MCHR2: variants seen among roughly 807,000 people sequenced by gnomAD.
MCHR2 encodes melanin concentrating hormone receptor 2, also known as melanin-concentrating hormone receptor 2.
Under a neutral mutation model 24.8 loss-of-function variants are expected in MCHR2, and 15 were observed. That is an observed-to-expected ratio of 0.60 (90% CI 0.40 to 0.93). The LOEUF (loss-of-function observed/expected upper bound fraction) is 0.93. Ranked by LOEUF, MCHR2 falls within the 40% of genes least tolerant of loss-of-function variation. The pLI, the probability that MCHR2 is intolerant of heterozygous loss-of-function variation, is 0.00. For synonymous variants in MCHR2, 151 were observed against 147.6 expected, an observed-to-expected ratio of 1.02 and a Z score of -0.17; for missense variants, 386 against 408.7, an observed-to-expected ratio of 0.94 and a Z score of 0.48.
intron 1 of MCHR2, among the ~76,000 whole-genome samples, chr6:99,968,213 C>A (rs927731160): frequency 3.9e-5 from 6 of 152,016 alleles, no homozygotes; most frequent in Admixed American, 6.6e-5. Flanking sequence ...AGTTGTGAAC[C>A]AAGACAGGGC....
At chr6:99,953,853 T>C (rs1775011471) in intron 2 of MCHR2, among the ~76,000 whole-genome samples, 1 of 152,158 alleles carries the variant, frequency 6.6e-6, no homozygotes. Context: ...TTGAATTTAT[T>C]AAGAGTAGAA....
At chr6:99,944,406 GT>G (rs1774836906) in intron 3 of MCHR2, among the ~76,000 whole-genome samples, 1 of 152,148 alleles carries the variant, frequency 6.6e-6, no homozygotes, top group Non-Finnish European at 1.5e-5. Flanking sequence ...TGTAAAAATG[GT>G]TTTTATGGTC....
At chr6:99,951,686 G>C (rs1285514980) in intron 2 of MCHR2, among the ~76,000 whole-genome samples, 1 of 152,094 alleles carries the variant, frequency 6.6e-6, no homozygotes, top group Non-Finnish European at 1.5e-5. Context: ...GTGTATGGCT[G>C]ACACTTGGAA....
chr6:99,951,523 GGCAA>G (rs1419519280), intron 2 of MCHR2, among the ~76,000 whole-genome samples: 1 of 152,124 alleles, frequency 6.6e-6, no homozygotes, highest in Non-Finnish European at 1.5e-5. Flanking sequence ...TGTGTCCTTA[GGCAA>G]GCGATTCAAC....
intron 1 of MCHR2, among the ~76,000 whole-genome samples, chr6:99,991,734 G>C (rs1243450737): frequency 6.8e-6 from 1 of 147,628 alleles, no homozygotes; most frequent in Non-Finnish European, 1.5e-5. Flanking sequence ...GAGAACCCGG[G>C]AGGCGGAGCT....
rs555692756 is a variant in MCHR2 at position 99,921,426 on chromosome 6, T to C, written c.708-171A>G. Among the ~76,000 whole-genome samples, 18 of 152,332 alleles carry C rather than the reference T, an allele frequency of 1.2e-4. No individual in the cohort carries two copies. The East Asian group carries it at 3.5e-3, about 29-fold the overall frequency. On this transcript the variant is annotated intron_variant, in intron 5 of 5. Coordinates refer to ENST00000281806, the MANE Select transcript of MCHR2 (RefSeq NM_001040179.2). The stretch of plus-strand genomic sequence containing the variant: ...TGTGATATATTCTTTTTTATTCTTG[T>C]TGAAAACTTTCCAAAGTTTCCAAAG...
Position 99,947,932 on chromosome 6 carries a change from G to T in MCHR2, c.222C>A (p.Asn74Lys). Residue 74 changes from asparagine to lysine, a missense_variant, in exon 3 of 6, where the codon AAC becomes AAA. By Grantham distance (94) the Asn-to-Lys change is moderately conservative (BLOSUM62 0). Transcript: ENST00000281806. ...KKTVPDIYIC[N>K]LAVADLVHIV... ...TGTGGACCAAATCAGCCACAGCCAG[G>T]TTGCAGATATAGATGTCAGGGACTG... 6 of 1,613,716 alleles carry T rather than the reference G, an allele frequency of 3.7e-6. No homozygotes were observed. Among genetic ancestry groups the T allele is most frequent in the Non-Finnish European group, 5.1e-6 (6 of 1,179,760 alleles).
chr6:99,943,162 A>G lies in MCHR2; in HGVS notation c.393-19T>C, dbSNP rs1325405720. The stretch of plus-strand genomic sequence containing the variant: ...AAAGTACCTGCAAAGGCAGTCAGGA[A>G]GAGTTTTGGAACAATCAATAAAAGC... On this transcript the variant is annotated intron_variant, in intron 3 of 5. Coordinates refer to ENST00000281806, the MANE Select transcript of MCHR2 (RefSeq NM_001040179.2). 6.3e-7 allele frequency: 1 copy of G among 1,596,428 alleles called. No individual in the cohort carries two copies. The highest frequency in any genetic ancestry group is 2.2e-5 in the East Asian group (1 of 44,670).
intron 5 of MCHR2, among the ~76,000 whole-genome samples, chr6:99,931,392 C>T (rs2114499644): frequency 6.6e-6 from 1 of 152,336 alleles, no homozygotes; most frequent in African/African-American, 2.4e-5. Flanking sequence ...ACATTTAAGT[C>T]TGCAGAGGTT....
At chr6:99,931,344 G>A (rs1012928631) in intron 5 of MCHR2, among the ~76,000 whole-genome samples, 3 of 152,174 alleles carry the variant, frequency 2.0e-5, no homozygotes, top group Admixed American at 1.3e-4. Context: ...GCTGTGTGCT[G>A]GGAGAACCAC....
chr6:99,972,344 T>G (rs1481305502), intron 1 of MCHR2, among the ~76,000 whole-genome samples: 3 of 152,336 alleles, frequency 2.0e-5, no homozygotes, highest in Admixed American at 2.0e-4. Context: ...CTAGTTTATT[T>G]GCATAGAGGT....
chr6:99,922,166 G>C (rs1774251693), intron 5 of MCHR2, among the ~76,000 whole-genome samples: 1 of 150,340 alleles, frequency 6.7e-6, no homozygotes, highest in African/African-American at 2.5e-5. Context: ...GAGTGCAGTG[G>C]CACAATCTCG....
intron 1 of MCHR2, among the ~76,000 whole-genome samples, chr6:99,984,679 A>T (rs1363227040): frequency 6.6e-6 from 1 of 152,098 alleles, no homozygotes; most frequent in African/African-American, 2.4e-5. Flanking sequence ...AACTTATCTC[A>T]AAATAATGAA....
chr6:99,945,831 T>A (rs1448542790), intron 3 of MCHR2, among the ~76,000 whole-genome samples: 1 of 152,132 alleles, frequency 6.6e-6, no homozygotes, highest in African/African-American at 2.4e-5. Flanking sequence ...TAGCATACTA[T>A]GTCCATTGGA....
chr6:99,928,543 A>G lies in MCHR2; in HGVS notation c.707+5855T>C, dbSNP rs1342725880. Among the ~76,000 whole-genome samples, 3 of 152,088 alleles carry G rather than the reference A, an allele frequency of 2.0e-5. No individual in the cohort carries two copies. The East Asian group carries it at 5.8e-4, about 29-fold the overall frequency. The stretch of plus-strand genomic sequence containing the variant: ...TGTTATTGGTCTATTCAGAGATTCA[A>G]CTTCTTCCTGGTTTAGTCTTGGGAG... On this transcript the variant is annotated intron_variant, in intron 5 of 5. Transcript: ENST00000281806.
At chr6:99,969,896 A>AT (rs1337162968) in intron 1 of MCHR2, among the ~76,000 whole-genome samples, 2 of 150,318 alleles carry the variant, frequency 1.3e-5, no homozygotes, top group Non-Finnish European at 3.0e-5. Flanking sequence ...TGAACTCTTC[A>AT]TTTTTTATGG....
At chr6:99,967,245 A>T (rs1475728234) in intron 1 of MCHR2, among the ~76,000 whole-genome samples, 1 of 152,118 alleles carries the variant, frequency 6.6e-6, no homozygotes, top group South Asian at 2.1e-4. Flanking sequence ...GATTCACATC[A>T]TTCATCTATG....
rs372367020 is a variant in MCHR2 at position 99,956,136 on chromosome 6, A to G, written c.12T>C (p.Phe4=). The G allele has an allele frequency of 1.1e-5, 17 of 1,611,180 alleles. No individual in the cohort carries two copies. The highest frequency in any genetic ancestry group is 1.4e-5 in the Non-Finnish European group (17 of 1,178,646). The change falls in exon 2 of 6, where the codon TTT becomes TTC. Residue 4 remains phenylalanine (F), a synonymous_variant. Coordinates refer to ENST00000281806, the MANE Select transcript of MCHR2 (RefSeq NM_001040179.2). MNP[F]HASCWNTSAE... is the part of the protein sequence containing the mutation. ...CAGAGGTGTTCCAACAAGATGCATGAAATGGATTCATTGTTCGTGGACTTT... is the reference window on the plus strand; with the variant it reads ...CAGAGGTGTTCCAACAAGATGCATGGAATGGATTCATTGTTCGTGGACTTT...
chr6:99,979,591 A>C (rs1775625442), intron 1 of MCHR2, among the ~76,000 whole-genome samples: 1 of 152,224 alleles, frequency 6.6e-6, no homozygotes, highest in South Asian at 2.1e-4. Context: ...AGACTAGGTT[A>C]AATTAAATGT....
Sources: allele counts gnomAD v4.1 joint callset (sites outside exome capture counted in the v4.1 genomes callset), GRCh38; gene constraint gnomAD v4.1.1; transcripts MANE v1.5; gene names NCBI Gene and HGNC (gene_info 2026-07-23, HGNC 2026-07-21).